ABLIM1: variants seen among roughly 807,000 people sequenced by gnomAD.
ABLIM1 encodes the protein actin binding LIM protein 1, also known as actin-binding LIM protein 1.
Under a neutral mutation model 107.0 loss-of-function variants are expected in ABLIM1, and 40 were observed. The observed-to-expected ratio is 0.37, with a 90% confidence interval of 0.29 to 0.49. ABLIM1 has a LOEUF of 0.49. Among genes scored for constraint, ABLIM1 ranks in the 20% least tolerant of loss-of-function variants. ABLIM1 has a pLI of 0.97. For synonymous variants in ABLIM1, 357 were observed against 357.3 expected, an observed-to-expected ratio of 1.00 and a Z score of 0.01; for missense variants, 857 against 1,008.5, an observed-to-expected ratio of 0.85 and a Z score of 2.04.
chr10:114,528,559 G>A (rs541008348), intron 6 of ABLIM1, among the ~76,000 whole-genome samples: 49 of 152,246 alleles, frequency 3.2e-4, no homozygotes, highest in African/African-American at 1.0e-3. Context: ...CTCCATCAAT[G>A]TGTCCTCACC....
chr10:114,800,124 C>T, the ABLIM1 span, among the ~76,000 whole-genome samples: 33 of 152,224 alleles, frequency 2.2e-4, no homozygotes, highest in African/African-American at 7.9e-4. Context: ...TTGTTCAAAA[C>T]CCTCAAATGG....
intron 12 of ABLIM1, 134 bp from the exon 13 acceptor site, chr10:114,453,617 A>C: frequency 2.7e-6 from 2 of 737,426 alleles, no homozygotes; most frequent in African/African-American, 1.8e-5. Context: ...AAAGAAACAA[A>C]CTCAATTTAT....
Position 114,707,970 on chromosome 10 carries a change from C to T in ABLIM1, c.-213+60091G>A, listed in dbSNP as rs963426981. On this transcript the variant is annotated intron_variant, in intron 1 of 15. Transcript: ENST00000651092. This position sits in a 1 kb window ranked among gnomAD's most constrained non-coding sequence, Gnocchi z 4.1. ...ATTACCAACAGTTTTCAATTTTGTA[C>T]TAAGCCTTTATGCTAACCGCTGTTT... Among the ~76,000 whole-genome samples the T allele has an allele frequency of 7.2e-5, 11 of 152,166 alleles. No homozygotes were observed. Among genetic ancestry groups the T allele is most frequent in the Admixed American group, 2.0e-4 (3 of 15,282 alleles).
intron 1 of ABLIM1, among the ~76,000 whole-genome samples, chr10:114,756,502 T>C (rs781514882): frequency 6.6e-6 from 1 of 152,160 alleles, no homozygotes; most frequent in Non-Finnish European, 1.5e-5. Flanking sequence ...TTAGGGGAGA[T>C]GAACATTTTT....
chr10:114,748,660 T>C (rs1204346158), intron 1 of ABLIM1, among the ~76,000 whole-genome samples: 1 of 139,990 alleles, frequency 7.1e-6, no homozygotes, highest in Non-Finnish European at 1.6e-5. Context: ...TTTTTTTTTC[T>C]TTTTTTTTTT....
intron 15 of ABLIM1, 84 bp downstream of exon 15, chr10:114,447,796 A>G: frequency 6.4e-7 from 1 of 1,553,576 alleles, no homozygotes; most frequent in African/African-American, 1.4e-5. Context: ...ATAATAGGAT[A>G]CATTTTCTTT....
intron 1 of ABLIM1, among the ~76,000 whole-genome samples, chr10:114,621,844 A>T (rs2077483357): frequency 6.6e-6 from 1 of 152,258 alleles, no homozygotes; most frequent in Non-Finnish European, 1.5e-5. Context: ...CGCTACTAGA[A>T]GCCCTTCGCT....
chr10:114,560,364 G>A (rs1297083044), intron 4 of ABLIM1, among the ~76,000 whole-genome samples: 1 of 152,230 alleles, frequency 6.6e-6, no homozygotes, highest in South Asian at 2.1e-4. Flanking sequence ...TTGGGTCAAT[G>A]ACAGACTGCA....
At chr10:114,590,413 T>C (rs2074726499) in intron 2 of ABLIM1, among the ~76,000 whole-genome samples, 1 of 152,106 alleles carries the variant, frequency 6.6e-6, no homozygotes, top group African/African-American at 2.4e-5. Flanking sequence ...TCACTCTGAG[T>C]TAGGTTCTTC....
chr10:114,595,249 A>G (rs899468691), intron 2 of ABLIM1: 13 of 152,224 alleles, frequency 8.5e-5, no homozygotes, highest in Admixed American at 3.9e-4. Flanking sequence ...TATAACATGT[A>G]TACTTAAAAT....
chr10:114,787,228 T>G, the ABLIM1 span, among the ~76,000 whole-genome samples: 2 of 145,596 alleles, frequency 1.4e-5, no homozygotes, highest in African/African-American at 5.2e-5. Flanking sequence ...GCAACCGCCC[T>G]GTCTGAGAAG....
the ABLIM1 span, among the ~76,000 whole-genome samples, chr10:114,789,920 G>C: frequency 3.3e-5 from 5 of 152,082 alleles, no homozygotes; most frequent in African/African-American, 1.2e-4. Context: ...AGCCTCTGGA[G>C]TAGCTGGATT....
chr10:114,531,540 CAG>C lies in ABLIM1; in HGVS notation c.894+13463_894+13464del, dbSNP rs1294946790. ...TTGTTTTGTTTTGTGTTGTTTGAGA[CAG>C]AGTCTTGCTCTGTTGCCCAGGCTGG... On this transcript the variant is annotated intron_variant, in intron 6 of 22. Coordinates refer to ENST00000533213, the MANE Select transcript of ABLIM1 (RefSeq NM_002313.7). Among the ~76,000 whole-genome samples, 29 of 152,214 alleles carry C rather than the reference CAG, an allele frequency of 1.9e-4. 1 individual carries two copies. The highest frequency in any genetic ancestry group is 7.0e-4 in the African/African-American group (29 of 41,458).
rs528804468 is a variant in ABLIM1 at position 114,437,058 on chromosome 10, A to T, written c.2224-685T>A. Among the ~76,000 whole-genome samples, 5 of 152,316 alleles carry T rather than the reference A, an allele frequency of 3.3e-5. No individual in the cohort carries two copies. In the East Asian group the frequency reaches 9.7e-4, roughly 29 times the overall value. On this transcript the variant is annotated intron_variant, in intron 22 of 22. Coordinates refer to ENST00000533213, the MANE Select transcript of ABLIM1 (RefSeq NM_002313.7). ...CATGTACCCAGATAACCCTTCAACA[A>T]GGAATGTGGAAACAGCCAAGAAAGA... is the stretch of plus-strand genomic sequence containing the variant.
In ABLIM1 at chr10:114,571,381, C is replaced by T. The variant is rs982795074; in HGVS notation, c.589G>A (p.Val197Ile). 6.2e-7 allele frequency: 1 copy of T among 1,614,198 alleles called. No individual in the cohort carries two copies. The highest frequency in any genetic ancestry group is 8.5e-7 in the Non-Finnish European group (1 of 1,180,036). The change falls in exon 4 of 23, where the codon GTC (valine) becomes ATC (isoleucine). Residue 197 changes from valine (V) to isoleucine (I), a missense_variant. By Grantham distance (29) the Val-to-Ile change is conservative (BLOSUM62 3). This residue lies in a region of ABLIM1 where 381 missense variants were observed against 506.9 expected (regional missense o/e 0.75). Transcript: ENST00000533213. Reference protein sequence around the residue: ...CKRPFPPGDRVTFNGRDCLCQ... With the variant: ...CKRPFPPGDRITFNGRDCLCQ... ...AGGCAGTCTCTCCCATTGAATGTGA[C>T]TCGGTCTCCGGGTGGAAACGGGCGC...
intron 4 of ABLIM1, among the ~76,000 whole-genome samples, chr10:114,553,507 A>G (rs962028499): frequency 2.6e-5 from 4 of 152,198 alleles, no homozygotes; most frequent in Admixed American, 6.5e-5. Context: ...GGCCTACCCA[A>G]CTCTGGAATC....
intron 6 of ABLIM1, among the ~76,000 whole-genome samples, chr10:114,510,761 C>T (rs964494851): frequency 1.3e-5 from 2 of 151,896 alleles, no homozygotes; most frequent in East Asian, 3.9e-4. Flanking sequence ...GGTGATCCTC[C>T]CATCTTAGTC....
At chr10:114,436,844 C>T (rs1841808407) in intron 22 of ABLIM1, among the ~76,000 whole-genome samples, 1 of 152,052 alleles carries the variant, frequency 6.6e-6, no homozygotes, top group African/African-American at 2.4e-5. Flanking sequence ...TCATTCCCCC[C>T]TAGAAAAGTT....
rs1312455471 is a variant in ABLIM1 at position 114,620,338 on chromosome 10, A to G, written c.245-18377T>C. Among the ~76,000 whole-genome samples, 3 of 152,336 alleles carry G rather than the reference A, an allele frequency of 2.0e-5. No individual in the cohort carries two copies. The South Asian group carries it at 6.2e-4, about 32-fold the overall frequency. On this transcript the variant is annotated intron_variant, in intron 1 of 22. Transcript: ENST00000533213. ...CTGGGGTAGGCATGGTGGACAGGTC[A>G]TTAAACTCCAAACCATAATCGAGAG...
Sources: gnomAD v4.1 joint callset for allele counts (sites outside exome capture counted in the v4.1 genomes callset) on GRCh38, gnomAD v4.1.1 for gene constraint, gnomAD v4.1.1 regional missense constraint, Gnocchi (gnomAD v3.1) non-coding constraint, MANE v1.5 for transcripts, NCBI Gene and HGNC (gene_info 2026-07-23, HGNC 2026-07-21) for gene names.